TNS3: variants seen among roughly 807,000 people sequenced by gnomAD.
TNS3 encodes tensin 3.
A neutral mutation model predicts 140.9 loss-of-function variants in TNS3; 45 were observed. The observed-to-expected ratio is 0.32, with a 90% CI of 0.25 to 0.41. TNS3 has a LOEUF of 0.41. Ranked by LOEUF, TNS3 falls within the 10% of genes least tolerant of loss-of-function variation. TNS3 has a pLI of 1.00. For synonymous variants in TNS3, 815 were observed against 788.4 expected, an observed-to-expected ratio of 1.03 and a Z score of -0.56; for missense variants, 1,716 against 1,906.7, an observed-to-expected ratio of 0.90 and a Z score of 1.86.
intron 1 of TNS3, among the ~76,000 whole-genome samples, chr7:47,540,666 G>A (rs1799759562): frequency 6.6e-6 from 1 of 152,214 alleles, no homozygotes; most frequent in Non-Finnish European, 1.5e-5. Flanking sequence ...CACAGATCAT[G>A]GGAAGAACTC....
At chr7:47,482,551 G>A (rs1797460841) in intron 3 of TNS3, among the ~76,000 whole-genome samples, 1 of 152,198 alleles carries the variant, frequency 6.6e-6, no homozygotes, top group African/African-American at 2.4e-5. Flanking sequence ...GAAACAGCCG[G>A]ACAAGGAGAC....
At chr7:47,285,693 C>A (rs1052347917) in intron 27 of TNS3, among the ~76,000 whole-genome samples, 1 of 152,192 alleles carries the variant, frequency 6.6e-6, no homozygotes, top group African/African-American at 2.4e-5. Context: ...CTAGAAGTAA[C>A]CTAGTGGTCC....
At chr7:47,487,161 T>TG (rs1363993148) in intron 3 of TNS3, among the ~76,000 whole-genome samples, 1 of 152,026 alleles carries the variant, frequency 6.6e-6, no homozygotes, top group African/African-American at 2.4e-5. Flanking sequence ...TAGCAGGGCG[T>TG]GGCGGCACGT....
chr7:47,535,090 T>C (rs888328183), intron 1 of TNS3, among the ~76,000 whole-genome samples: 14 of 152,248 alleles, frequency 9.2e-5, no homozygotes, highest in African/African-American at 2.9e-4. Context: ...CTGTGCTATA[T>C]TGCAATTTCC....
chr7:47,340,422 T>C (rs111333329), intron 20 of TNS3, among the ~76,000 whole-genome samples: 3 of 151,928 alleles, frequency 2.0e-5, no homozygotes, highest in African/African-American at 7.2e-5. Context: ...CGCCGGGCTG[T>C]GACTTATATT....
intron 20 of TNS3, among the ~76,000 whole-genome samples, chr7:47,336,685 C>A (rs1367955449): frequency 2.6e-5 from 4 of 152,200 alleles, no homozygotes; most frequent in African/African-American, 9.7e-5. Context: ...GTGATTATTA[C>A]ACATTGCATG....
In TNS3 at chr7:47,424,087, G is replaced by A. The variant is rs1794519256; in HGVS notation, c.473+14C>T. 2 of 1,613,364 alleles carry A rather than the reference G, an allele frequency of 1.2e-6. No homozygotes were observed. The highest frequency in any genetic ancestry group is 8.5e-7 in the Non-Finnish European group (1 of 1,179,610). ...ATTCACCTCTTCACTCTGGCTTTGGGGATCTATACATACCGTTTTTGGGAA... is the reference window on the plus strand; with the variant it reads ...ATTCACCTCTTCACTCTGGCTTTGGAGATCTATACATACCGTTTTTGGGAA... On this transcript the variant is annotated intron_variant, in intron 10 of 30. Transcript: ENST00000311160.
rs1414215097 is a variant in TNS3, at chr7:47,302,246, C to T, written c.3484G>A (p.Val1162Met). 16 of 1,614,060 alleles carry T rather than the reference C, an allele frequency of 9.9e-6. No homozygotes were observed. The highest frequency in any genetic ancestry group is 7.7e-5 in the South Asian group (7 of 91,090). ...TTGGAAGTGTCTTGAACAAATTTCA[C>T]GATCACAAGTTTATCACCTGGACTA... Reference protein sequence around the residue: ...PDSPGDKLVIVKFVQDTSKFW... With the variant: ...PDSPGDKLVIMKFVQDTSKFW... Residue 1162 changes from valine to methionine, a missense_variant, in exon 23 of 31, where the codon GTG becomes ATG. Val to Met is a conservative substitution (Grantham distance 21, BLOSUM62 1). This residue lies in a region of TNS3 where 1,163 missense variants were observed against 1,182.1 expected (regional missense o/e 0.98). Coordinates refer to ENST00000311160, the MANE Select transcript of TNS3 (RefSeq NM_022748.12).
Position 47,518,381 on chromosome 7 carries a change from C to T in TNS3, c.-153+10655G>A, listed in dbSNP as rs565224338. ...ATCTATTTGCTGTTCTCACTCTCCT[C>T]ACAGATCCTCACCTCCCCACGCCAG... is the stretch of plus-strand genomic sequence containing the variant. On this transcript the variant is annotated intron_variant, in intron 2 of 30. Transcript: ENST00000311160. Among the ~76,000 whole-genome samples the T allele has an allele frequency of 2.0e-5, 3 of 152,308 alleles. No individual in the cohort carries two copies. In the East Asian group the frequency reaches 5.8e-4, roughly 29 times the overall value.
chr7:47,531,327 C>G (rs1199156822), intron 1 of TNS3, among the ~76,000 whole-genome samples: 1 of 151,800 alleles, frequency 6.6e-6, no homozygotes, highest in African/African-American at 2.4e-5. Flanking sequence ...AATCCTGTAC[C>G]CAATAAAAAT....
At chr7:47,347,640 A>G (rs905664249) in intron 17 of TNS3, among the ~76,000 whole-genome samples, 1 of 151,854 alleles carries the variant, frequency 6.6e-6, no homozygotes, top group Non-Finnish European at 1.5e-5. Context: ...ACATCTGCTC[A>G]GCACCACACA....
intron 6 of TNS3, among the ~76,000 whole-genome samples, chr7:47,437,827 AAAAT>A (rs1385691251): frequency 6.7e-6 from 1 of 149,916 alleles, no homozygotes; most frequent in East Asian, 1.9e-4. Flanking sequence ...ACATATATAT[AAAAT>A]AAATATCACG....
At chr7:47,454,163 G>A (rs957602137) in intron 4 of TNS3, among the ~76,000 whole-genome samples, 4 of 152,104 alleles carry the variant, frequency 2.6e-5, no homozygotes, top group Non-Finnish European at 5.9e-5. Context: ...TGGAAACCAC[G>A]TGGTGTCTCC....
At chr7:47,403,643 G>C (rs1300569442) in intron 13 of TNS3, among the ~76,000 whole-genome samples, 1 of 152,104 alleles carries the variant, frequency 6.6e-6, no homozygotes, top group African/African-American at 2.4e-5. Flanking sequence ...CAGTCCTCCT[G>C]ACCAAATCAT....
At chr7:47,548,819 G>C (rs961025251) in intron 1 of TNS3, among the ~76,000 whole-genome samples, 5 of 151,998 alleles carry the variant, frequency 3.3e-5, no homozygotes, top group Non-Finnish European at 7.4e-5. Context: ...ACCTTCACTG[G>C]GCCATCCCCG....
rs980883679 is a variant in TNS3, at chr7:47,277,284, T to C, written c.*792A>G. ...TAAATAATTTGGCATAAGTAAAATA[T>C]AAATTACATAGAAATAATATTTTTG... On this transcript the variant is annotated 3_prime_UTR_variant, in exon 31 of 31. Transcript: ENST00000311160. 6.6e-6 allele frequency: 1 copy of C among 152,290 alleles called. No individual in the cohort carries two copies. Among genetic ancestry groups the C allele is most frequent in the African/African-American group, 2.4e-5 (1 of 41,444 alleles). 9.4% of individuals were successfully genotyped at this position (152,290 alleles called of 1,614,324 possible).
intron 1 of TNS3, among the ~76,000 whole-genome samples, chr7:47,551,111 A>G (rs1445205629): frequency 6.6e-6 from 1 of 152,184 alleles, no homozygotes; most frequent in Non-Finnish European, 1.5e-5. Context: ...AGATCTTCCT[A>G]AAACACCCGG....
chr7:47,284,199 G>A (rs1162119660), intron 27 of TNS3, among the ~76,000 whole-genome samples: 1 of 152,184 alleles, frequency 6.6e-6, no homozygotes, highest in Non-Finnish European at 1.5e-5. Flanking sequence ...TGTCCCAGGT[G>A]GAGCCCAAGG....
chr7:47,530,774 G>A (rs1799363554), intron 1 of TNS3, among the ~76,000 whole-genome samples: 1 of 137,578 alleles, frequency 7.3e-6, no homozygotes, highest in South Asian at 2.4e-4. Context: ...AGTGAGCCGA[G>A]ATCGCGCCAT....
Sources: allele counts gnomAD v4.1 joint callset (sites outside exome capture counted in the v4.1 genomes callset), GRCh38; gene constraint gnomAD v4.1.1; regional missense constraint gnomAD v4.1.1; transcripts MANE v1.5; gene names NCBI Gene and HGNC (gene_info 2026-07-23, HGNC 2026-07-21).